The following DNAJB11 variants were observed in gnomAD, a reference collection of about 807,000 sequenced individuals.
The protein encoded by DNAJB11 is dnaJ homolog subfamily B member 11.
Under a neutral mutation model 47.2 loss-of-function variants are expected in DNAJB11, and 30 were observed. The observed-to-expected ratio is 0.64, with a 90% CI of 0.48 to 0.86. DNAJB11 has a LOEUF of 0.86. Ranked by LOEUF, DNAJB11 falls within the 40% of genes least tolerant of loss-of-function variation. DNAJB11 has a pLI of 0.00. For missense variants in DNAJB11, 357 were observed against 440.2 expected (o/e 0.81, Z 1.69); for synonymous variants, 151 against 159.9 (o/e 0.94, Z 0.42).
intron 6 of DNAJB11, among the ~76,000 whole-genome samples, chr3:186,582,376 A>C (rs1412447636): frequency 6.6e-6 from 1 of 152,222 alleles, no homozygotes; most frequent in Non-Finnish European, 1.5e-5. Context: ...GAAAGAAGAT[A>C]TGTAACTCTA....
At chr3:186,572,465 C>T (rs1715115857) in intron 2 of DNAJB11, among the ~76,000 whole-genome samples, 1 of 152,154 alleles carries the variant, frequency 6.6e-6, no homozygotes, top group Non-Finnish European at 1.5e-5. Flanking sequence ...CCTCAGCCTC[C>T]CAAGTAGCTG....
intron 5 of DNAJB11, 66 bp downstream of exon 5, chr3:186,581,579 A>G (rs1398614750): frequency 4.5e-6 from 7 of 1,560,474 alleles, no homozygotes; most frequent in African/African-American, 4.1e-5. Flanking sequence ...CTAGTCAAAC[A>G]CTAATGGTCC....
intron 6 of DNAJB11, 141 bp from the exon 7 acceptor site, chr3:186,582,575 C>A (rs182677210): frequency 7.9e-5 from 53 of 672,436 alleles, no homozygotes; most frequent in Non-Finnish European, 1.1e-4. Context: ...AAACTTGATA[C>A]AACCAGGCAG....
rs113709977 is a variant in DNAJB11 at position 186,584,040 on chromosome 3, G to A, written c.852+64G>A. The A allele has an allele frequency of 3.4e-6, 4 of 1,170,308 alleles. No individual in the cohort carries two copies. In the South Asian group the frequency reaches 4.9e-5, roughly 14 times the overall value. The allele number at this position is 1,170,308 out of a possible 1,614,324, so 72.5% of individuals were successfully genotyped here. A position where few individuals can be genotyped will look rare whatever the true frequency, so the allele number is the denominator to read the frequency against. ...GCCTTTATGTGGGTAGTTTTGAGAT[G>A]TATCAGCTGTTTCAGTCATTGAGAA... On this transcript the variant is annotated intron_variant, in intron 8 of 9. Coordinates refer to ENST00000265028, the MANE Select transcript of DNAJB11 (RefSeq NM_016306.6).
chr3:186,579,164 A>C (rs986311072), intron 4 of DNAJB11: 3 of 152,246 alleles, frequency 2.0e-5, no homozygotes, highest in African/African-American at 7.2e-5. Context: ...GGGATCTTTT[A>C]ATATGAGGTT....
Position 186,570,774 on chromosome 3 carries a change from CA to C in DNAJB11, c.-122del. On this transcript the variant is annotated 5_prime_UTR_variant, in exon 1 of 10. Transcript: ENST00000265028. Reference sequence around the variant, plus strand: ...GGGCTAGCTAGCTGTCTCTGCGGACCAAGGAGACCCCCGCGCCCCCCCGGTG... The same window carrying C: ...GGGCTAGCTAGCTGTCTCTGCGGACCAGGAGACCCCCGCGCCCCCCCGGTG... 1.2e-6 allele frequency: 1 copy of C among 844,950 alleles called. No individual in the cohort carries two copies. Among genetic ancestry groups the C allele is most frequent in the Non-Finnish European group, 1.9e-6 (1 of 526,404 alleles). 52.3% of individuals were successfully genotyped at this position (844,950 alleles called of 1,614,324 possible).
intron 9 of DNAJB11, 33 bp from the exon 10 acceptor site, chr3:186,585,311 G>A (rs1715647146): frequency 6.3e-7 from 1 of 1,577,832 alleles, no homozygotes; most frequent in East Asian, 2.2e-5. Flanking sequence ...ACATTTTTTT[G>A]TTAATGGAGT....
At chr3:186,577,446 A>AT (rs1457835958) in intron 3 of DNAJB11, among the ~76,000 whole-genome samples, 1 of 152,100 alleles carries the variant, frequency 6.6e-6, no homozygotes, top group Non-Finnish European at 1.5e-5. Flanking sequence ...TAAAAAGTGG[A>AT]TTTTTTTGTA....
chr3:186,572,126 C>T lies in DNAJB11; in HGVS notation c.100C>T (p.Arg34Ter), dbSNP rs148976481. 5 of 1,601,328 alleles carry T rather than the reference C, an allele frequency of 3.1e-6. No individual in the cohort carries two copies. Among genetic ancestry groups the T allele is most frequent in the Non-Finnish European group, 4.3e-6 (5 of 1,175,620 alleles). The stretch of plus-strand genomic sequence containing the variant: ...TTTCTATAAGATCTTGGGGGTGCCT[C>T]GAAGTGCCTCTATAAAGGATATTAA... ...RDFYKILGVP[R>*]SASIKDIKKA... The change falls in exon 2 of 10, where the codon CGA (arginine) becomes TGA (stop). Residue 34 changes from arginine (R) to a stop codon, truncating the protein, a stop_gained. Transcript: ENST00000265028. LOFTEE classifies it high-confidence loss of function.
intron 2 of DNAJB11, among the ~76,000 whole-genome samples, chr3:186,575,363 G>A (rs564628602): frequency 7.7e-4 from 85 of 110,002 alleles, no homozygotes; most frequent in South Asian, 3.4e-3. Flanking sequence ...ATGCGCGCGC[G>A]CGCGCGTGTG....
At chr3:186,571,883 C>T (rs1276184489) in intron 1 of DNAJB11, among the ~76,000 whole-genome samples, 1 of 152,290 alleles carries the variant, frequency 6.6e-6, no homozygotes, top group African/African-American at 2.4e-5. Flanking sequence ...TATATAGCCT[C>T]TTACTGTGAT....
chr3:186,581,429 G>A lies in DNAJB11; in HGVS notation c.515G>A (p.Arg172Gln), dbSNP rs1220543928. 2 of 1,613,632 alleles carry A rather than the reference G, an allele frequency of 1.2e-6. No homozygotes were observed. The highest frequency in any genetic ancestry group is 1.3e-5 in the African/African-American group (1 of 74,770). The stretch of plus-strand genomic sequence containing the variant: ...CCTGGCAAACGGAAGTGCAATTGTC[G>A]GCAAGAGATGCGGACCACCCAGCTG... ...QAPGKRKCNC[R>Q]QEMRTTQLGP... Residue 172 changes from arginine to glutamine, a missense_variant, in exon 5 of 10, where the codon CGG becomes CAG. Transcript: ENST00000265028.
At chr3:186,584,053 C>A in intron 8 of DNAJB11, 77 bp downstream of exon 8, 1 of 1,039,502 alleles carries the variant, frequency 9.6e-7, no homozygotes, top group Non-Finnish European at 1.5e-6. Flanking sequence ...TCAGCTGTTT[C>A]AGTCATTGAG....
intron 2 of DNAJB11, among the ~76,000 whole-genome samples, chr3:186,573,908 T>A (rs140935518): frequency 2.6e-5 from 4 of 152,352 alleles, no homozygotes; most frequent in African/African-American, 9.6e-5. Flanking sequence ...TTCACGTTCT[T>A]TATCAATGAC....
intron 9 of DNAJB11, among the ~76,000 whole-genome samples, chr3:186,584,800 AG>A (rs760286266): frequency 5.3e-5 from 8 of 152,190 alleles, no homozygotes; most frequent in Non-Finnish European, 7.4e-5. Context: ...AGTCTATGTA[AG>A]CTGTGCTTCA....
At chr3:186,584,377 A>T (rs1466309840) in intron 8 of DNAJB11, 53 bp from the exon 9 acceptor site, 24 of 1,490,306 alleles carry the variant, frequency 1.6e-5, no homozygotes, top group Non-Finnish European at 1.9e-5. Flanking sequence ...AAGCTGTGTG[A>T]TGTACTTCAG....
chr3:186,572,444 C>A (rs897597674), intron 2 of DNAJB11, among the ~76,000 whole-genome samples, 193 bp downstream of exon 2: 1 of 152,176 alleles, frequency 6.6e-6, no homozygotes, highest in African/African-American at 2.4e-5. Flanking sequence ...TGGGTTCAAG[C>A]AGTTCTCCCG....
chr3:186,571,318 C>T (rs1461320069), intron 1 of DNAJB11, among the ~76,000 whole-genome samples: 3 of 152,086 alleles, frequency 2.0e-5, no homozygotes, highest in Non-Finnish European at 4.4e-5. Context: ...AAGAGGGATG[C>T]CTGACTGTAA....
chr3:186,576,710 G>A (rs1055646177), intron 3 of DNAJB11, among the ~76,000 whole-genome samples: 6 of 152,134 alleles, frequency 3.9e-5, no homozygotes, highest in Admixed American at 2.0e-4. Context: ...GGGTGGGGGA[G>A]TAGATTTTTA....
Sources: gnomAD v4.1 joint callset for allele counts (sites outside exome capture counted in the v4.1 genomes callset) on GRCh38, gnomAD v4.1.1 for gene constraint, MANE v1.5 for transcripts, NCBI Gene and HGNC (gene_info 2026-07-23, HGNC 2026-07-21) for gene names.